Variants in SOS1 observed in about 807,000 individuals in gnomAD.
SOS1 encodes the protein son of sevenless homolog 1.
In SOS1, 25 loss-of-function variants were observed where a neutral mutation model predicts 157.6. That is an observed-to-expected ratio of 0.16 (90% CI 0.12 to 0.22). The LOEUF (loss-of-function observed/expected upper bound fraction) is 0.22, where lower values mean the gene tolerates loss of function less well. SOS1 is among the 10% of genes least tolerant of loss of function. The pLI is 1.00. For synonymous variants in SOS1, 528 were observed against 534.0 expected (o/e 0.99, Z 0.16); for missense variants, 1,237 against 1,599.1 (o/e 0.77, Z 3.86).
At position 38,989,266 on chromosome 2, in the gene SOS1, T is replaced by C; in HGVS notation, c.3391+4A>G. The C allele has an allele frequency of 1.3e-6, 2 of 1,589,276 alleles. No individual in the cohort carries two copies. Among genetic ancestry groups the C allele is most frequent in the African/African-American group, 1.3e-5 (1 of 74,512 alleles). On this transcript the variant is annotated splice_donor_region_variant and intron_variant, in intron 21 of 22. Coordinates refer to ENST00000402219, the MANE Select transcript of SOS1 (RefSeq NM_005633.4). ...ATTATGAGTCTTAAACCAAATATAC[T>C]AACTTGGGCCATGGGGCAGAGTAAC...
At chr2:39,016,220 T>G (rs1468293717) in intron 10 of SOS1, among the ~76,000 whole-genome samples, 1 of 152,104 alleles carries the variant, frequency 6.6e-6, no homozygotes, top group Non-Finnish European at 1.5e-5. Context: ...TCAGACAACC[T>G]TGAATTCAAA....
At chr2:39,110,547 A>G (rs939951052) in intron 1 of SOS1, among the ~76,000 whole-genome samples, 4 of 151,194 alleles carry the variant, frequency 2.6e-5, no homozygotes, top group East Asian at 1.9e-4. Context: ...TGCAAGGAGC[A>G]ATAAAAAAAA....
intron 10 of SOS1, among the ~76,000 whole-genome samples, chr2:39,021,506 T>A (rs1326714437): frequency 7.0e-6 from 1 of 143,302 alleles, no homozygotes; most frequent in African/African-American, 2.6e-5. Context: ...GTAGTAAGTC[T>A]TCTTACAATG....
At chr2:39,012,969 A>C (rs1478119474) in intron 13 of SOS1, among the ~76,000 whole-genome samples, 1 of 152,198 alleles carries the variant, frequency 6.6e-6, no homozygotes, top group Non-Finnish European at 1.5e-5. Flanking sequence ...AAAACCTTAG[A>C]GATCGACAAA....
intron 15 of SOS1, among the ~76,000 whole-genome samples, chr2:39,009,563 T>C (rs769356563): frequency 1.3e-5 from 2 of 152,338 alleles, no homozygotes; most frequent in East Asian, 1.9e-4. Flanking sequence ...GTTGAATTTA[T>C]TGACATAGAA....
At chr2:39,110,781 A>C (rs1229064037) in intron 1 of SOS1, among the ~76,000 whole-genome samples, 2 of 152,228 alleles carry the variant, frequency 1.3e-5, no homozygotes, top group Non-Finnish European at 1.5e-5. Flanking sequence ...TTAAAAGAAA[A>C]AAACATATAT....
chr2:39,019,872 G>A (rs530260209), intron 10 of SOS1, among the ~76,000 whole-genome samples: 2 of 151,354 alleles, frequency 1.3e-5, no homozygotes, highest in Middle Eastern at 3.4e-3. Context: ...TTCATAGTAC[G>A]CACGTTTGCC....
At chr2:39,008,887 G>C (rs541848321) in intron 15 of SOS1, among the ~76,000 whole-genome samples, 22 of 128,294 alleles carry the variant, frequency 1.7e-4, no homozygotes, top group Non-Finnish European at 3.4e-4. Flanking sequence ...TATATTATCT[G>C]AAATGTCAGG....
At chr2:39,006,829 G>A (rs1266203038) in intron 16 of SOS1, among the ~76,000 whole-genome samples, 4 of 152,050 alleles carry the variant, frequency 2.6e-5, no homozygotes, top group African/African-American at 7.2e-5. Flanking sequence ...AGCTTAGGCT[G>A]GGACCTGTGA....
intron 6 of SOS1, among the ~76,000 whole-genome samples, chr2:39,036,716 G>A (rs749204049): frequency 2.6e-5 from 4 of 152,114 alleles, no homozygotes; most frequent in Admixed American, 2.6e-4. Context: ...TGGGATTACA[G>A]GCATCCGCCA....
chr2:39,040,295 G>A (rs1325353241), intron 6 of SOS1, among the ~76,000 whole-genome samples: 2 of 152,164 alleles, frequency 1.3e-5, no homozygotes, highest in Non-Finnish European at 2.9e-5. Flanking sequence ...GGGATTACAG[G>A]CATGAGCCAC....
At chr2:39,004,404 G>GT (rs1669217227) in intron 17 of SOS1, among the ~76,000 whole-genome samples, 1 of 36,324 alleles carries the variant, frequency 2.8e-5, no homozygotes, top group Admixed American at 4.6e-4. Flanking sequence ...AAGACTCTGT[G>GT]TCAAAAAAAA....
At chr2:38,990,617 T>C (rs1418723635) in intron 20 of SOS1, among the ~76,000 whole-genome samples, 2 of 152,150 alleles carry the variant, frequency 1.3e-5, no homozygotes, top group Non-Finnish European at 2.9e-5. Context: ...CCTGGAGATA[T>C]GCCTCAAGAA....
intron 15 of SOS1, among the ~76,000 whole-genome samples, chr2:39,010,313 C>T (rs1474433462): frequency 1.4e-5 from 2 of 143,894 alleles, no homozygotes; most frequent in African/African-American, 5.2e-5. Flanking sequence ...CAGACTCTGT[C>T]TCAAAAAAAA....
chr2:39,108,552 T>C (rs1223378806), intron 1 of SOS1, among the ~76,000 whole-genome samples: 3 of 152,160 alleles, frequency 2.0e-5, no homozygotes, highest in Admixed American at 6.5e-5. Context: ...CATTCACTCA[T>C]TCATTCATTC....
chr2:39,010,455 A>T (rs1669429498), intron 15 of SOS1, 129 bp downstream of exon 15: 2 of 779,178 alleles, frequency 2.6e-6, no homozygotes, highest in Admixed American at 2.0e-5. Context: ...CAGTGGGCCG[A>T]TGTGCCACTG....
chr2:39,121,387 C>A (rs1673890461), upstream of SOS1, among the ~76,000 whole-genome samples: 1 of 152,138 alleles, frequency 6.6e-6, no homozygotes, highest in Non-Finnish European at 1.5e-5. Flanking sequence ...TAAGGACTGC[C>A]CAGAGCACGC....
chr2:38,989,965 C>A (rs1391275243), intron 20 of SOS1, among the ~76,000 whole-genome samples: 1 of 151,830 alleles, frequency 6.6e-6, no homozygotes, highest in Non-Finnish European at 1.5e-5. Context: ...AAGGAAAAAA[C>A]TGAAAATCAA....
chr2:39,117,722 T>G (rs1231757492), intron 1 of SOS1, among the ~76,000 whole-genome samples: 1 of 152,090 alleles, frequency 6.6e-6, no homozygotes, highest in Non-Finnish European at 1.5e-5. Context: ...TAAGAAGTTA[T>G]CACAGTAGTC....
Sources: allele counts gnomAD v4.1 joint callset (sites outside exome capture counted in the v4.1 genomes callset), GRCh38; gene constraint gnomAD v4.1.1; transcripts MANE v1.5; gene names NCBI Gene and HGNC (gene_info 2026-07-23, HGNC 2026-07-21).